ALOX5AP: variants seen among roughly 807,000 people sequenced by gnomAD.
ALOX5AP encodes the protein arachidonate 5-lipoxygenase-activating protein.
ALOX5AP carries 9 observed loss-of-function variants against 18.5 expected under a neutral mutation model. The ratio of observed to expected loss-of-function variants is 0.49; its 90% CI spans 0.29 to 0.85. The LOEUF (loss-of-function observed/expected upper bound fraction) is 0.85. ALOX5AP is among the 40% of genes least tolerant of loss of function. ALOX5AP has a pLI of 0.08. For synonymous variants in ALOX5AP, 81 were observed against 78.6 expected (o/e 1.03, Z -0.16); for missense variants, 172 against 202.5 (o/e 0.85, Z 0.91).
chr13:30,719,306 T>C (rs1446967541), intron 1 of ALOX5AP, among the ~76,000 whole-genome samples: 5 of 152,214 alleles, frequency 3.3e-5, no homozygotes, highest in Non-Finnish European at 7.4e-5. Flanking sequence ...GATGACTCTC[T>C]AGGCTAGGAT....
chr13:30,718,380 T>C (rs1478221800), intron 1 of ALOX5AP, among the ~76,000 whole-genome samples: 1 of 37,640 alleles, frequency 2.7e-5, no homozygotes, highest in Non-Finnish European at 4.3e-5. Context: ...ATCACAGATA[T>C]GCATATATAT....
At chr13:30,728,902 C>T (rs1951658710) in intron 1 of ALOX5AP, among the ~76,000 whole-genome samples, 2 of 152,260 alleles carry the variant, frequency 1.3e-5, no homozygotes, top group South Asian at 4.2e-4. Context: ...AACATGTTGC[C>T]ATTTTTACAT....
In ALOX5AP at chr13:30,739,322, G is replaced by A. The variant is rs559056622; in HGVS notation, c.70+3647G>A. Reference sequence around the variant, plus strand: ...GAGACTGGAGGGGCCGCTGTAGGCTGACCTTTCCTTCACTGTACCTATTTT... The same window carrying A: ...GAGACTGGAGGGGCCGCTGTAGGCTAACCTTTCCTTCACTGTACCTATTTT... On this transcript the variant is annotated intron_variant, in intron 1 of 4. Transcript: ENST00000380490. 7.2e-5 allele frequency among the ~76,000 whole-genome samples: 11 copies of A among 152,334 alleles called. 1 individual carries two copies. The South Asian group carries it at 2.3e-3, about 32-fold the overall frequency.
chr13:30,760,006 C>G (rs1951928177), intron 4 of ALOX5AP, among the ~76,000 whole-genome samples: 1 of 152,168 alleles, frequency 6.6e-6, no homozygotes, highest in African/African-American at 2.4e-5. Context: ...GTTCACTTCT[C>G]TTTTCTGAGA....
chr13:30,763,991 T>C lies in ALOX5AP; in HGVS notation c.371T>C (p.Leu124Pro). 6.2e-7 allele frequency: 1 copy of C among 1,614,206 alleles called. No homozygotes were observed. The change falls in exon 5 of 5, where the codon CTC becomes CCC. Residue 124 changes from leucine (L) to proline (P), a missense_variant. Transcript: ENST00000380490. ...AAACGCATCATACTCTTCCTGTTCC[T>C]CATGTCCGTTGCTGGCATATTCAAC... is the stretch of plus-strand genomic sequence containing the variant. Reference protein sequence around the residue: ...FGKRIILFLFLMSVAGIFNYY... With the variant: ...FGKRIILFLFPMSVAGIFNYY...
At chr13:30,719,353 G>A (rs975995427) in intron 1 of ALOX5AP, among the ~76,000 whole-genome samples, 1 of 152,186 alleles carries the variant, frequency 6.6e-6, no homozygotes, top group African/African-American at 2.4e-5. Context: ...CACTCACAGG[G>A]CGTGACCTCT....
intron 1 of ALOX5AP, among the ~76,000 whole-genome samples, chr13:30,722,530 G>A (rs369232956): frequency 6.6e-6 from 1 of 152,168 alleles, no homozygotes; most frequent in African/African-American, 2.4e-5. Flanking sequence ...TGCTCAGTAA[G>A]TATTTGTTGA....
chr13:30,715,431 A>T (rs149518182), intron 1 of ALOX5AP, among the ~76,000 whole-genome samples: 20 of 152,312 alleles, frequency 1.3e-4, no homozygotes, highest in African/African-American at 4.6e-4. Flanking sequence ...GAAGGTGGTG[A>T]GTGCCTTCTG....
chr13:30,751,270 G>T (rs1013801574), intron 2 of ALOX5AP, among the ~76,000 whole-genome samples: 1 of 152,094 alleles, frequency 6.6e-6, no homozygotes, highest in Non-Finnish European at 1.5e-5. Flanking sequence ...CACCATGTTG[G>T]CCAGGCTGGT....
intron 1 of ALOX5AP, among the ~76,000 whole-genome samples, chr13:30,721,649 C>T (rs1951594929): frequency 6.6e-6 from 1 of 152,228 alleles, no homozygotes; most frequent in South Asian, 2.1e-4. Flanking sequence ...CTCCACACTG[C>T]AGCCAGAGTG....
At chr13:30,723,489 G>C (rs1951610772) in intron 1 of ALOX5AP, among the ~76,000 whole-genome samples, 1 of 152,192 alleles carries the variant, frequency 6.6e-6, no homozygotes, top group Admixed American at 6.5e-5. Context: ...AGGAATAAGG[G>C]ATATATAATA....
upstream of ALOX5AP, among the ~76,000 whole-genome samples, chr13:30,731,270 G>A (rs1042406586): frequency 1.3e-5 from 2 of 152,128 alleles, no homozygotes; most frequent in Non-Finnish European, 2.9e-5. Flanking sequence ...AGACGATTCC[G>A]GTAGCAGCAC....
intron 1 of ALOX5AP, among the ~76,000 whole-genome samples, chr13:30,729,194 TA>T (rs955072957): frequency 3.3e-5 from 5 of 152,104 alleles, no homozygotes; most frequent in Admixed American, 6.5e-5. Context: ...TTGTGTTATC[TA>T]AAAAAAATTT....
intron 1 of ALOX5AP, among the ~76,000 whole-genome samples, chr13:30,738,493 G>A (rs4769872): frequency 0.11 from 16,286 of 152,252 alleles, 1,389 homozygotes; most frequent in African/African-American, 0.23. Flanking sequence ...CCAGCAAGGA[G>A]ACAGGAGTTG....
intron 1 of ALOX5AP, among the ~76,000 whole-genome samples, chr13:30,715,818 C>T (rs1432497480): frequency 1.6e-5 from 1 of 60,984 alleles, no homozygotes; most frequent in African/African-American, 1.5e-4. Flanking sequence ...AGGCAAGTGG[C>T]CTTTGACCTC....
intron 1 of ALOX5AP, among the ~76,000 whole-genome samples, chr13:30,729,444 T>G (rs889433067): frequency 2.6e-5 from 4 of 152,214 alleles, no homozygotes; most frequent in African/African-American, 2.4e-5. Context: ...TATATGGGCA[T>G]CATGAATTTT....
chr13:30,748,720 G>A (rs1002153282), intron 2 of ALOX5AP, among the ~76,000 whole-genome samples: 1 of 152,220 alleles, frequency 6.6e-6, no homozygotes, highest in African/African-American at 2.4e-5. Flanking sequence ...TGAGCCAGGT[G>A]GCACTTCACC....
At chr13:30,748,080 G>A (rs1482366410) in intron 2 of ALOX5AP, among the ~76,000 whole-genome samples, 10 of 151,896 alleles carry the variant, frequency 6.6e-5, no homozygotes, top group Non-Finnish European at 1.0e-4. Context: ...CACCATGTCC[G>A]GCTAATTTTT....
intron 3 of ALOX5AP, among the ~76,000 whole-genome samples, chr13:30,755,520 C>G (rs1951885980): frequency 1.3e-5 from 2 of 152,134 alleles, no homozygotes; most frequent in African/African-American, 4.8e-5. Context: ...CCTTGGAAAC[C>G]AGGAGTGTCC....
Sources: allele counts gnomAD v4.1 joint callset (sites outside exome capture counted in the v4.1 genomes callset), GRCh38; gene constraint gnomAD v4.1.1; transcripts MANE v1.5; gene names NCBI Gene and HGNC (gene_info 2026-07-23, HGNC 2026-07-21).